Variants in BTRC observed in about 807,000 individuals in gnomAD.
BTRC encodes beta-transducin repeat containing E3 ubiquitin protein ligase, also known as F-box/WD repeat-containing protein 1A.
Under a neutral mutation model 85.5 loss-of-function variants are expected in BTRC, and 42 were observed. That is an observed-to-expected ratio of 0.49 (90% confidence interval 0.38 to 0.64). The LOEUF (loss-of-function observed/expected upper bound fraction) is 0.64. Among genes scored for constraint, BTRC ranks in the 30% least tolerant of loss-of-function variants. The pLI, the probability that BTRC is intolerant of heterozygous loss-of-function variation, is 0.00. For missense variants in BTRC, 594 were observed against 743.5 expected, an observed-to-expected ratio of 0.80 and a Z score of 2.34; for synonymous variants, 255 against 263.3, an observed-to-expected ratio of 0.97 and a Z score of 0.30.
intron 1 of BTRC, among the ~76,000 whole-genome samples, chr10:101,402,241 A>G (rs1421873223): frequency 6.6e-6 from 1 of 152,170 alleles, no homozygotes; most frequent in African/African-American, 2.4e-5. Context: ...AATTCACTGG[A>G]ATGGCTCCTT....
chr10:101,404,020 A>ATTTTTT (rs1943553807), intron 1 of BTRC, among the ~76,000 whole-genome samples: 1 of 24,578 alleles, frequency 4.1e-5, no homozygotes, highest in African/African-American at 1.3e-4. Flanking sequence ...ATATATATAT[A>ATTTTTT]TATATATATA....
At chr10:101,374,222 T>C (rs7916912) in intron 1 of BTRC, among the ~76,000 whole-genome samples, 151,359 of 151,866 alleles carry the variant, frequency 1, 75,431 homozygotes, top group Middle Eastern at 1. Context: ...TCTCCAGCAC[T>C]TGTTGTTTCC....
Position 101,554,223 on chromosome 10 carries a change from AATCACTGGTAAGGCTC to A in BTRC, c.*1102_*1117del, listed in dbSNP as rs1211807391. 6.6e-6 allele frequency: 1 copy of A among 152,170 alleles called. No homozygotes were observed. Among genetic ancestry groups the A allele is most frequent in the Non-Finnish European group, 1.5e-5 (1 of 68,016 alleles). The allele number at this position is 152,170 out of a possible 1,614,324, so 9.4% of individuals were successfully genotyped here. On this transcript the variant is annotated 3_prime_UTR_variant, in exon 15 of 15. Coordinates refer to ENST00000370187, the MANE Select transcript of BTRC (RefSeq NM_033637.4). ...ATAAAAAGCATTGTACTTCATCTTA[AATCACTGGTAAGGCTC>A]AGCCTACAGAAAGATTTGAAATGGC...
chr10:101,386,824 T>C (rs1373956881), intron 1 of BTRC, among the ~76,000 whole-genome samples: 1 of 152,178 alleles, frequency 6.6e-6, no homozygotes, highest in Non-Finnish European at 1.5e-5. Flanking sequence ...TTAGTACTTT[T>C]GTGATTTGTT....
chr10:101,389,125 T>A (rs1444080747), intron 1 of BTRC, among the ~76,000 whole-genome samples: 1 of 132,728 alleles, frequency 7.5e-6, no homozygotes, highest in Admixed American at 7.5e-5. Context: ...GTGTGTTTTT[T>A]TTTTTTTTTT....
intron 1 of BTRC, among the ~76,000 whole-genome samples, chr10:101,369,179 A>G (rs1277687358): frequency 1.3e-5 from 2 of 150,948 alleles, no homozygotes; most frequent in African/African-American, 4.9e-5. Flanking sequence ...TGAAGTGTTT[A>G]TTCAAGTCTT....
intron 2 of BTRC, among the ~76,000 whole-genome samples, chr10:101,432,558 T>C (rs1300400869): frequency 1.3e-5 from 2 of 152,164 alleles, no homozygotes; most frequent in African/African-American, 4.8e-5. Flanking sequence ...GTTTAGGCGA[T>C]CTGCAAAGTC....
At chr10:101,357,575 T>G (rs1423284897) in intron 1 of BTRC, among the ~76,000 whole-genome samples, 2 of 152,198 alleles carry the variant, frequency 1.3e-5, no homozygotes, top group African/African-American at 4.8e-5. Context: ...GTCTTAACCT[T>G]TCCCTCAATT....
chr10:101,411,050 C>T (rs569403410), intron 1 of BTRC, among the ~76,000 whole-genome samples: 1 of 142,004 alleles, frequency 7.0e-6, no homozygotes, highest in Non-Finnish European at 1.5e-5. Context: ...GGCTAAAGTG[C>T]ACTGGGGCAA....
chr10:101,473,465 C>CTTTTTTTTTT (rs869163139), intron 3 of BTRC, among the ~76,000 whole-genome samples: 51 of 96,744 alleles, frequency 5.3e-4, no homozygotes, highest in African/African-American at 8.9e-4. Flanking sequence ...TCTTTTTTCT[C>CTTTTTTTTTT]TTTTTTTTTT....
intron 2 of BTRC, among the ~76,000 whole-genome samples, chr10:101,437,531 TAGAA>T (rs1944563964): frequency 6.6e-6 from 1 of 152,180 alleles, no homozygotes; most frequent in South Asian, 2.1e-4. Flanking sequence ...AAAATAGAAG[TAGAA>T]AGAAGGAAGG....
At chr10:101,536,434 T>C (rs756421008) in intron 11 of BTRC, 109 bp from the exon 12 acceptor site, 39 of 748,440 alleles carry the variant, frequency 5.2e-5, no homozygotes, top group Non-Finnish European at 7.9e-5. Context: ...TGGGTGGTGA[T>C]TGATTTTATT....
At chr10:101,535,518 C>T (rs758045218) in intron 11 of BTRC, 46 bp downstream of exon 11, 2 of 1,293,802 alleles carry the variant, frequency 1.5e-6, no homozygotes, top group South Asian at 1.3e-5. Context: ...TATTATGCTC[C>T]CATTCATTAT....
intron 1 of BTRC, among the ~76,000 whole-genome samples, chr10:101,402,861 C>T (rs1943525178): frequency 6.6e-6 from 1 of 152,124 alleles, no homozygotes; most frequent in Non-Finnish European, 1.5e-5. Context: ...GCTAAGCATC[C>T]AGAGGTTATA....
chr10:101,458,880 A>G (rs9419908), intron 2 of BTRC, among the ~76,000 whole-genome samples: 56,252 of 152,084 alleles, frequency 0.37, 11,600 homozygotes, highest in Middle Eastern at 0.49. Context: ...CATTGTAACT[A>G]TCAAGTATCT....
At chr10:101,472,986 G>A in intron 3 of BTRC, among the ~76,000 whole-genome samples, 1 of 152,066 alleles carries the variant, frequency 6.6e-6, no homozygotes, top group Admixed American at 6.5e-5. Flanking sequence ...AAATCAGAAA[G>A]CCGCTAGTTT....
intron 4 of BTRC, among the ~76,000 whole-genome samples, chr10:101,515,914 G>T (rs1254650331): frequency 1.3e-5 from 2 of 152,154 alleles, no homozygotes; most frequent in Non-Finnish European, 2.9e-5. Context: ...AATAGGTGTA[G>T]GAGTCACTCT....
chr10:101,438,282 G>A (rs1314784619), intron 2 of BTRC, among the ~76,000 whole-genome samples: 4 of 151,766 alleles, frequency 2.6e-5, no homozygotes, highest in African/African-American at 7.2e-5. Context: ...AAAATTAGCC[G>A]GGCGTGGTGG....
intron 2 of BTRC, among the ~76,000 whole-genome samples, chr10:101,442,078 A>C (rs891410712): frequency 6.6e-6 from 1 of 152,152 alleles, no homozygotes; most frequent in African/African-American, 2.4e-5. Flanking sequence ...AAAGCATAGA[A>C]AAGCATATGT....
Sources: allele counts gnomAD v4.1 joint callset (sites outside exome capture counted in the v4.1 genomes callset), GRCh38; gene constraint gnomAD v4.1.1; transcripts MANE v1.5; gene names NCBI Gene and HGNC (gene_info 2026-07-23, HGNC 2026-07-21).